CDH12: variants seen among roughly 807,000 people sequenced by gnomAD.
CDH12 encodes cadherin 12.
Under a neutral mutation model 74.1 loss-of-function variants are expected in CDH12, and 41 were observed. The observed-to-expected ratio is 0.55, with a 90% CI of 0.43 to 0.72. The LOEUF (loss-of-function observed/expected upper bound fraction) is 0.72. Ranked by LOEUF, CDH12 falls within the 30% of genes least tolerant of loss-of-function variation. CDH12 has a pLI of 0.00. For synonymous variants in CDH12, 399 were observed against 355.0 expected (o/e 1.12, Z -1.39); for missense variants, 945 against 977.2 (o/e 0.97, Z 0.44).
chr5:21,760,360 G>A (rs1744647817), intron 13 of CDH12, among the ~76,000 whole-genome samples, 198 bp downstream of exon 13: 1 of 152,052 alleles, frequency 6.6e-6, no homozygotes, highest in African/African-American at 2.4e-5. Flanking sequence ...CATTTACAAT[G>A]CAAGCAACCT....
chr5:22,107,287 A>G (rs1744513237), intron 4 of CDH12, among the ~76,000 whole-genome samples: 2 of 147,010 alleles, frequency 1.4e-5, no homozygotes, highest in Non-Finnish European at 3.0e-5. Context: ...GCCCACCACC[A>G]TGCCTGGCTA....
In CDH12 at chr5:22,584,046, AT is replaced by A. The variant is rs200089115; in HGVS notation, c.-522-78683del. ...TCTAGTTGCTTTTTTTTGCTTTTGA[AT>A]TTTTTTAAGGGGAATCATCTATATT... On this transcript the variant is annotated intron_variant, in intron 1 of 14. Transcript: ENST00000382254. Among the ~76,000 whole-genome samples, 866 of 151,390 alleles carry A rather than the reference AT, an allele frequency of 5.7e-3. 10 individuals are homozygous for A. The highest frequency in any genetic ancestry group is 0.02 in the African/African-American group (828 of 41,294).
chr5:22,383,598 G>A (rs1741861814), intron 3 of CDH12, among the ~76,000 whole-genome samples: 2 of 152,142 alleles, frequency 1.3e-5, no homozygotes, highest in African/African-American at 4.8e-5. Flanking sequence ...CTCATTTTGG[G>A]AGTTCCTTTC....
chr5:22,673,064 T>C (rs1349171059), intron 1 of CDH12, among the ~76,000 whole-genome samples: 1 of 152,118 alleles, frequency 6.6e-6, no homozygotes, highest in East Asian at 1.9e-4. Flanking sequence ...AATATACTCC[T>C]TGTAACAAAA....
intron 4 of CDH12, among the ~76,000 whole-genome samples, chr5:22,200,627 C>T (rs1426987891): frequency 1.3e-5 from 2 of 152,108 alleles, no homozygotes; most frequent in Admixed American, 6.6e-5. Flanking sequence ...GTGTTTTGAA[C>T]TAATCTAATT....
intron 12 of CDH12, among the ~76,000 whole-genome samples, chr5:21,761,576 C>T (rs1052029015): frequency 7.2e-5 from 11 of 152,000 alleles, no homozygotes; most frequent in African/African-American, 2.4e-4. Context: ...ATATCCTGGT[C>T]CCAGTGTGTA....
At chr5:22,053,875 T>C (rs1431049634) in intron 5 of CDH12, among the ~76,000 whole-genome samples, 1 of 152,144 alleles carries the variant, frequency 6.6e-6, no homozygotes, top group Non-Finnish European at 1.5e-5. Context: ...GCCTTAGTCT[T>C]CATATCTTTA....
intron 1 of CDH12, among the ~76,000 whole-genome samples, chr5:22,635,639 G>A (rs1220921579): frequency 6.6e-6 from 1 of 152,146 alleles, no homozygotes; most frequent in East Asian, 1.9e-4. Context: ...TTCCAGTCTG[G>A]GCGCGGTGGC....
At chr5:22,305,074 A>T (rs1174787143) in intron 3 of CDH12, among the ~76,000 whole-genome samples, 1 of 150,314 alleles carries the variant, frequency 6.7e-6, no homozygotes, top group Non-Finnish European at 1.5e-5. Context: ...AAACAGAATA[A>T]TTTTTTTAAA....
intron 5 of CDH12, among the ~76,000 whole-genome samples, chr5:21,987,162 C>T (rs183375216): frequency 9.6e-4 from 146 of 151,414 alleles, no homozygotes; most frequent in Middle Eastern, 6.8e-3. Flanking sequence ...TTTTAAATAC[C>T]CTTTTGTTTA....
chr5:22,611,710 T>G (rs998166241), intron 1 of CDH12, among the ~76,000 whole-genome samples: 6 of 152,126 alleles, frequency 3.9e-5, no homozygotes, highest in Admixed American at 1.3e-4. Flanking sequence ...GCTGACTGCA[T>G]GCCTATCACC....
At chr5:22,619,091 T>C (rs1334095523) in intron 1 of CDH12, among the ~76,000 whole-genome samples, 1 of 152,116 alleles carries the variant, frequency 6.6e-6, no homozygotes, top group African/African-American at 2.4e-5. Context: ...TCTTACCTTC[T>C]ATTATTTATT....
intron 5 of CDH12, among the ~76,000 whole-genome samples, chr5:22,018,974 T>G (rs1214227312): frequency 2.0e-5 from 3 of 151,904 alleles, no homozygotes; most frequent in Admixed American, 6.6e-5. Context: ...TGGGTGGAAT[T>G]GCTTGAACCT....
intron 12 of CDH12, among the ~76,000 whole-genome samples, chr5:21,764,498 A>C (rs1015451495): frequency 6.6e-6 from 1 of 151,432 alleles, no homozygotes; most frequent in African/African-American, 2.4e-5. Flanking sequence ...AAATACAAAA[A>C]ATTAGCTGGG....
chr5:22,351,360 C>T (rs1740348324), intron 3 of CDH12, among the ~76,000 whole-genome samples: 2 of 152,028 alleles, frequency 1.3e-5, no homozygotes, highest in Non-Finnish European at 2.9e-5. Flanking sequence ...AGGTGATGGC[C>T]CTGCCAAGCC....
intron 3 of CDH12, among the ~76,000 whole-genome samples, chr5:22,392,998 T>C (rs1703315): frequency 0.34 from 51,274 of 151,964 alleles, 10,151 homozygotes; most frequent in Admixed American, 0.46. Context: ...ATACCTCTTA[T>C]ATGGATCAGA....
chr5:22,756,690 G>A (rs1337386072), intron 1 of CDH12, among the ~76,000 whole-genome samples: 1 of 152,044 alleles, frequency 6.6e-6, no homozygotes, highest in Non-Finnish European at 1.5e-5. Context: ...GGCCGGACGC[G>A]GTGGCTCACA....
At chr5:22,459,427 C>CA (rs1745413793) in intron 2 of CDH12, among the ~76,000 whole-genome samples, 1 of 151,720 alleles carries the variant, frequency 6.6e-6, no homozygotes, top group Non-Finnish European at 1.5e-5. Context: ...AAATAATAAA[C>CA]AAAAAATGCA....
intron 5 of CDH12, among the ~76,000 whole-genome samples, chr5:21,997,380 C>T (rs758463324): frequency 2.0e-5 from 3 of 152,114 alleles, no homozygotes; most frequent in Non-Finnish European, 4.4e-5. Flanking sequence ...TTCTGCACTT[C>T]ACATCTTTTA....
Sources: allele counts gnomAD v4.1 joint callset (sites outside exome capture counted in the v4.1 genomes callset), GRCh38; gene constraint gnomAD v4.1.1; transcripts MANE v1.5; gene names NCBI Gene and HGNC (gene_info 2026-07-23, HGNC 2026-07-21).